KIAA1217: variants seen among roughly 807,000 people sequenced by gnomAD.
The protein encoded by KIAA1217 is sickle tail protein homolog.
A neutral mutation model predicts 163.9 loss-of-function variants in KIAA1217; 88 were observed. That is an observed-to-expected ratio of 0.54 (90% confidence interval 0.45 to 0.64). The LOEUF (loss-of-function observed/expected upper bound fraction) is 0.64, where lower values mean the gene tolerates loss of function less well. Ranked by LOEUF, KIAA1217 falls within the 30% of genes least tolerant of loss-of-function variation. The pLI, the probability that KIAA1217 is intolerant of heterozygous loss-of-function variation, is 0.00. For synonymous variants in KIAA1217, 903 were observed against 923.1 expected (o/e 0.98, Z 0.39); for missense variants, 2,372 against 2,475.0 (o/e 0.96, Z 0.88).
chr10:24,517,840 C>T (rs1349462670), intron 10 of KIAA1217, among the ~76,000 whole-genome samples: 2 of 152,036 alleles, frequency 1.3e-5, no homozygotes, highest in African/African-American at 2.4e-5. Context: ...ACTGAAAATA[C>T]AAAAATTAGC....
chr10:23,716,863 G>GC, intron 1 of KIAA1217, among the ~76,000 whole-genome samples: 2 of 152,088 alleles, frequency 1.3e-5, no homozygotes, highest in Admixed American at 1.3e-4. Context: ...ACTACATCAC[G>GC]TTTTTTCTTT....
At position 24,082,230 on chromosome 10, in the gene KIAA1217, A is replaced by T. The variant is rs369413058; in HGVS notation, c.-171+74856A>T. Among the ~76,000 whole-genome samples, 98 of 150,494 alleles carry T rather than the reference A, an allele frequency of 6.5e-4. 1 individual carries two copies. The highest frequency in any genetic ancestry group is 2.3e-3 in the African/African-American group (95 of 40,930). ...TTTGTTCTCATTGTTTTTGGACATC[A>T]TTTTTTTTTCTTTATTTTTATTTTT... On this transcript the variant is annotated intron_variant, in intron 2 of 18. Coordinates refer to the KIAA1217 transcript ENST00000376462.
At chr10:23,863,879 G>C (rs1358047825) in intron 1 of KIAA1217, among the ~76,000 whole-genome samples, 1 of 151,984 alleles carries the variant, frequency 6.6e-6, no homozygotes, top group Non-Finnish European at 1.5e-5. Flanking sequence ...GAACTACTAT[G>C]CCAGCTACTT....
At chr10:23,837,073 C>T (rs1838501051) in intron 1 of KIAA1217, among the ~76,000 whole-genome samples, 1 of 152,176 alleles carries the variant, frequency 6.6e-6, no homozygotes, top group African/African-American at 2.4e-5. Context: ...CATGTATGCA[C>T]ATTATTTAGC....
At chr10:24,498,284 G>A (rs2067078988) in intron 8 of KIAA1217, among the ~76,000 whole-genome samples, 1 of 152,130 alleles carries the variant, frequency 6.6e-6, no homozygotes, top group African/African-American at 2.4e-5. Context: ...GACCAAGACG[G>A]AGCAGCAGAA....
At chr10:24,100,085 A>G (rs1454406901) in intron 2 of KIAA1217, among the ~76,000 whole-genome samples, 1 of 151,734 alleles carries the variant, frequency 6.6e-6, no homozygotes, top group African/African-American at 2.4e-5. Context: ...TCCTGTCTTC[A>G]CTATAGCAAA....
At chr10:24,059,071 C>A (rs1181575033) in intron 2 of KIAA1217, among the ~76,000 whole-genome samples, 1 of 152,088 alleles carries the variant, frequency 6.6e-6, no homozygotes, top group African/African-American at 2.4e-5. Flanking sequence ...TTCTAGTTTG[C>A]TGAGAGTTTT....
chr10:24,444,117 TCTC>T (rs1191146728), intron 5 of KIAA1217, among the ~76,000 whole-genome samples: 1 of 152,044 alleles, frequency 6.6e-6, no homozygotes, highest in Non-Finnish European at 1.5e-5. Flanking sequence ...TTCAAGCAAT[TCTC>T]CTCCCTTAGC....
upstream of KIAA1217, chr10:24,208,798 C>A (rs1291418570): frequency 5.8e-6 from 1 of 173,330 alleles, no homozygotes; most frequent in Non-Finnish European, 1.2e-5. Context: ...TGCAGAGCCT[C>A]GGTGGTTTGC....
intron 1 of KIAA1217, among the ~76,000 whole-genome samples, chr10:23,837,707 T>C (rs976356585): frequency 6.6e-6 from 1 of 152,046 alleles, no homozygotes; most frequent in East Asian, 1.9e-4. Context: ...CTAATTTTGT[T>C]GTTGTTTATT....
intron 2 of KIAA1217, among the ~76,000 whole-genome samples, chr10:24,313,036 C>A (rs79183448): frequency 6.6e-6 from 1 of 152,216 alleles, no homozygotes; most frequent in East Asian, 1.9e-4. Context: ...TTTAAGAATA[C>A]ACTACTATTA....
At chr10:23,864,523 AACAC>A (rs10544205) in intron 1 of KIAA1217, among the ~76,000 whole-genome samples, 169 of 146,790 alleles carry the variant, frequency 1.2e-3, no homozygotes, top group African/African-American at 1.2e-3. Flanking sequence ...TACACACACC[AACAC>A]ACACACACAC....
intron 1 of KIAA1217, among the ~76,000 whole-genome samples, chr10:23,949,016 C>T (rs1007908968): frequency 6.6e-6 from 1 of 151,858 alleles, no homozygotes; most frequent in Non-Finnish European, 1.5e-5. Context: ...ATGAAAGGTA[C>T]CTAAATAAAT....
At chr10:24,111,200 A>G (rs967648546) in intron 2 of KIAA1217, among the ~76,000 whole-genome samples, 4 of 152,224 alleles carry the variant, frequency 2.6e-5, no homozygotes, top group Non-Finnish European at 5.9e-5. Context: ...TCCTGTATTA[A>G]TCTTCCAAAG....
intron 2 of KIAA1217, among the ~76,000 whole-genome samples, chr10:24,171,650 C>G (rs559667038): frequency 1.8e-4 from 27 of 152,078 alleles, no homozygotes; most frequent in Non-Finnish European, 3.5e-4. Context: ...ACTAAAAACA[C>G]AAAATTAGCC....
chr10:24,026,742 A>ATTTTTTTTTTTTTTTTTTTTTTGT, intron 2 of KIAA1217, among the ~76,000 whole-genome samples: 2 of 70,092 alleles, frequency 2.9e-5, no homozygotes, highest in East Asian at 4.5e-4. Context: ...TATTTCATTG[A>ATTTTTTTTTTTTTTTTTTTTTTGT]TTTTTTTTTT....
intron 2 of KIAA1217, among the ~76,000 whole-genome samples, chr10:24,021,908 A>G (rs1476313629): frequency 1.3e-5 from 2 of 151,730 alleles, no homozygotes; most frequent in Non-Finnish European, 3.0e-5. Context: ...ATGAATCTAG[A>G]CACAGTTCTG....
chr10:23,782,507 A>G (rs1835303718), intron 1 of KIAA1217, among the ~76,000 whole-genome samples: 1 of 152,212 alleles, frequency 6.6e-6, no homozygotes, highest in South Asian at 2.1e-4. Context: ...ATCTCAGCTC[A>G]CTGCAACCTC....
intron 10 of KIAA1217, among the ~76,000 whole-genome samples, chr10:24,519,457 C>T (rs1245720880): frequency 2.0e-5 from 3 of 152,118 alleles, no homozygotes; most frequent in African/African-American, 7.2e-5. Context: ...ATGAGACAAT[C>T]AGTATAAACC....
Sources: gnomAD v4.1 joint callset for allele counts (sites outside exome capture counted in the v4.1 genomes callset) on GRCh38, gnomAD v4.1.1 for gene constraint, MANE v1.5 for transcripts, NCBI Gene and HGNC (gene_info 2026-07-23, HGNC 2026-07-21) for gene names.